AP3S2: variants seen among roughly 807,000 people sequenced by gnomAD.
The protein encoded by AP3S2 is AP-3 complex subunit sigma-2.
A neutral mutation model predicts 23.4 loss-of-function variants in AP3S2; 22 were observed. The observed-to-expected ratio is 0.94, with a 90% CI of 0.67 to 1.34. AP3S2 has a LOEUF of 1.34. AP3S2 is among the 40% of genes most tolerant of loss of function. The pLI is 0.00. For synonymous variants in AP3S2, 86 were observed against 87.1 expected, an observed-to-expected ratio of 0.99 and a Z score of 0.07; for missense variants, 241 against 236.9, an observed-to-expected ratio of 1.02 and a Z score of -0.11.
chr15:89,878,905 GC>G (rs1388044711), intron 3 of AP3S2, among the ~76,000 whole-genome samples: 4 of 152,146 alleles, frequency 2.6e-5, no homozygotes, highest in Non-Finnish European at 5.9e-5. Context: ...CCGCACAATG[GC>G]CCAGCTAATT....
rs1299954535 is a variant in AP3S2 at position 89,854,960 on chromosome 15, T to G, written c.345+16515A>C. On this transcript the variant is annotated intron_variant, in intron 4 of 5. Coordinates refer to ENST00000336418, the MANE Select transcript of AP3S2 (RefSeq NM_005829.5). ...CCGTCCGGGAGGTGAGGGGCACCTC[T>G]GCCCGGCCGCCCCTACTGGGAAGTG... is the stretch of plus-strand genomic sequence containing the variant. Among the ~76,000 whole-genome samples the G allele has an allele frequency of 2.8e-4, 20 of 70,412 alleles. 3 individuals carry two copies. In the East Asian group the frequency reaches 0.01, roughly 36 times the overall value. The allele number at this position is 70,412 out of a possible 152,430, so 46.2% of individuals were successfully genotyped here.
rs1359059484 is a variant in AP3S2, at chr15:89,831,179, G to A, written c.*4336C>T. The A allele has an allele frequency of 6.6e-6, 1 of 152,120 alleles. No homozygotes were observed. The highest frequency in any genetic ancestry group is 1.5e-5 in the Non-Finnish European group (1 of 68,014). The allele number at this position is 152,120 out of a possible 1,614,324, so 9.4% of individuals were successfully genotyped here. A position where few individuals can be genotyped will look rare whatever the true frequency, so the allele number is the denominator to read the frequency against. The stretch of plus-strand genomic sequence containing the variant: ...TTTTCATGGAACTGCTTCCCTATAG[G>A]GGCCTGTTTTCGTATCTGCCAACTT... On this transcript the variant is annotated 3_prime_UTR_variant, in exon 6 of 6. Transcript: ENST00000336418.
At chr15:89,863,977 C>G (rs947564648) in intron 4 of AP3S2, among the ~76,000 whole-genome samples, 1 of 152,190 alleles carries the variant, frequency 6.6e-6, no homozygotes, top group Non-Finnish European at 1.5e-5. Context: ...AGGAAGCCAC[C>G]TATTGGAAGC....
chr15:89,874,566 G>C (rs772159849), intron 3 of AP3S2, among the ~76,000 whole-genome samples: 2 of 152,118 alleles, frequency 1.3e-5, no homozygotes, highest in Non-Finnish European at 2.9e-5. Flanking sequence ...CTCGAGCCCA[G>C]GAGTTTGAGA....
chr15:89,861,466 C>G (rs1896007864), intron 4 of AP3S2, among the ~76,000 whole-genome samples: 1 of 152,134 alleles, frequency 6.6e-6, no homozygotes, highest in Non-Finnish European at 1.5e-5. Flanking sequence ...TTTCTTTGAA[C>G]AAAATTCAAT....
rs1896322524 is a variant in AP3S2, at chr15:89,871,694, C to T, written c.274-148G>A. 1.2e-5 allele frequency: 9 copies of T among 776,796 alleles called. No homozygotes were observed. In the South Asian group the frequency reaches 1.2e-4, roughly 10 times the overall value. The allele number at this position is 776,796 out of a possible 1,614,324, so 48.1% of individuals were successfully genotyped here. Reference sequence around the variant, plus strand: ...AATTAAAACACCTACCTTTTGTCTCCAGCATTAGCTGATCACCCTACTTAT... The same window carrying T: ...AATTAAAACACCTACCTTTTGTCTCTAGCATTAGCTGATCACCCTACTTAT... On this transcript the variant is annotated intron_variant, in intron 3 of 5. Coordinates refer to ENST00000336418, the MANE Select transcript of AP3S2 (RefSeq NM_005829.5).
intron 4 of AP3S2, among the ~76,000 whole-genome samples, chr15:89,867,950 C>T (rs1896184548): frequency 1.3e-5 from 2 of 148,516 alleles, no homozygotes; most frequent in African/African-American, 2.5e-5. Context: ...CCCGGCCAGC[C>T]GCCCCATCCG....
intron 3 of AP3S2, chr15:89,878,190 G>T (rs540080021): frequency 4.9e-6 from 3 of 610,328 alleles, no homozygotes; most frequent in Non-Finnish European, 8.6e-6. Flanking sequence ...AAGCTGGGTG[G>T]TGATGATAAT....
chr15:89,850,542 CAT>C (rs781696202), intron 4 of AP3S2: 3 of 152,328 alleles, frequency 2.0e-5, no homozygotes, highest in Non-Finnish European at 4.4e-5. Flanking sequence ...TCATTCCAGA[CAT>C]ATACTAATTA....
intron 4 of AP3S2, among the ~76,000 whole-genome samples, chr15:89,862,491 GA>G (rs551143561): frequency 1.3e-5 from 2 of 152,118 alleles, no homozygotes; most frequent in Admixed American, 1.3e-4. Context: ...AATCGTTCAG[GA>G]AAAAAAGTAT....
At chr15:89,893,092 G>T (rs986115071) in intron 1 of AP3S2, 3 of 152,198 alleles carry the variant, frequency 2.0e-5, no homozygotes, top group Non-Finnish European at 4.4e-5. Context: ...TCTGAAAAGG[G>T]TTTATTAACT....
chr15:89,870,195 A>T (rs1896285575), intron 4 of AP3S2, among the ~76,000 whole-genome samples: 1 of 152,184 alleles, frequency 6.6e-6, no homozygotes, highest in South Asian at 2.1e-4. Flanking sequence ...GCTCTCCTTG[A>T]CAGAAGTTGC....
At chr15:89,855,719 G>A (rs574230699) in intron 4 of AP3S2, among the ~76,000 whole-genome samples, 329 of 142,472 alleles carry the variant, frequency 2.3e-3, no homozygotes, top group Non-Finnish European at 3.7e-3. Flanking sequence ...GCGTGGTGGT[G>A]CATGCCTGTA....
intron 4 of AP3S2, among the ~76,000 whole-genome samples, chr15:89,862,787 G>A (rs1212725103): frequency 1.3e-5 from 2 of 152,190 alleles, no homozygotes; most frequent in Non-Finnish European, 2.9e-5. Context: ...AATGACATTA[G>A]GGAGAAATGC....
chr15:89,893,810 C>A (rs1287068531), intron 1 of AP3S2, 71 bp downstream of exon 1: 1 of 1,499,876 alleles, frequency 6.7e-7, no homozygotes, highest in Non-Finnish European at 9.1e-7. Flanking sequence ...CCCCGGGCGC[C>A]GAGAGGCCAA....
chr15:89,886,727 C>A (rs1896710333), intron 3 of AP3S2: 1 of 152,228 alleles, frequency 6.6e-6, no homozygotes, highest in Admixed American at 6.5e-5. Flanking sequence ...TTGAATTCTA[C>A]AACCTAATAT....
chr15:89,843,338 C>A (rs1264611106), intron 4 of AP3S2, among the ~76,000 whole-genome samples: 1 of 151,360 alleles, frequency 6.6e-6, no homozygotes, highest in African/African-American at 2.4e-5. Context: ...TAACAGGTGA[C>A]TGGAAAAACT....
chr15:89,839,891 G>A (rs1236987373), intron 4 of AP3S2, among the ~76,000 whole-genome samples: 1 of 151,712 alleles, frequency 6.6e-6, no homozygotes, highest in Admixed American at 6.6e-5. Flanking sequence ...TAAAAGGGAA[G>A]GGAATTCTGA....
chr15:89,888,433 G>A, intron 3 of AP3S2, 88 bp downstream of exon 3: 2 of 1,304,652 alleles, frequency 1.5e-6, no homozygotes, highest in Non-Finnish European at 1.1e-6. Flanking sequence ...TCAATAAGGA[G>A]ATGGACACAA....
Sources: gnomAD v4.1 joint callset for allele counts (sites outside exome capture counted in the v4.1 genomes callset) on GRCh38, gnomAD v4.1.1 for gene constraint, MANE v1.5 for transcripts, NCBI Gene and HGNC (gene_info 2026-07-23, HGNC 2026-07-21) for gene names.